The following NPFFR2 variants were observed in gnomAD, a reference collection of about 807,000 sequenced individuals.
NPFFR2 encodes G-protein coupled receptor 74.
A neutral mutation model predicts 13.1 loss-of-function variants in NPFFR2; 15 were observed. That is an observed-to-expected ratio of 1.15 (90% CI 0.77 to 1.76). NPFFR2 has a LOEUF of 1.76. Ranked by LOEUF, NPFFR2 falls within the 40% of genes most tolerant of loss-of-function variation. NPFFR2 has a pLI of 0.00. For missense variants in NPFFR2, 572 were observed against 503.5 expected, an observed-to-expected ratio of 1.14 and a Z score of -1.30; for synonymous variants, 190 against 175.7, an observed-to-expected ratio of 1.08 and a Z score of -0.65.
chr4:72,104,646 T>C (rs1560412494), intron 1 of NPFFR2, among the ~76,000 whole-genome samples: 2 of 152,068 alleles, frequency 1.3e-5, no homozygotes, highest in East Asian at 3.9e-4. Context: ...GACTCAGAAC[T>C]AACTTCTACC....
chr4:72,126,868 C>G (rs904032937), intron 1 of NPFFR2, among the ~76,000 whole-genome samples: 2 of 152,146 alleles, frequency 1.3e-5, no homozygotes, highest in Admixed American at 1.3e-4. Context: ...AGTCTTCACC[C>G]CATGTACATT....
At chr4:72,121,341 A>C (rs1303470150) in intron 1 of NPFFR2, among the ~76,000 whole-genome samples, 4 of 152,196 alleles carry the variant, frequency 2.6e-5, no homozygotes, top group Non-Finnish European at 1.5e-5. Flanking sequence ...GATATTATCC[A>C]GGAGAACTTC....
At chr4:72,136,656 A>G (rs1395989270) in intron 2 of NPFFR2, among the ~76,000 whole-genome samples, 1 of 152,212 alleles carries the variant, frequency 6.6e-6, no homozygotes, top group African/African-American at 2.4e-5. Context: ...GCTGGCTGTT[A>G]CATTCCACAT....
chr4:72,099,383 G>T (rs1018931932), intron 1 of NPFFR2, among the ~76,000 whole-genome samples: 6 of 152,056 alleles, frequency 3.9e-5, no homozygotes, highest in African/African-American at 1.4e-4. Flanking sequence ...CGTCATTCTT[G>T]CATTGCTATA....
At chr4:72,112,615 T>C (rs924313839) in intron 1 of NPFFR2, among the ~76,000 whole-genome samples, 1 of 152,030 alleles carries the variant, frequency 6.6e-6, no homozygotes, top group Non-Finnish European at 1.5e-5. Context: ...GTCTTTCTGA[T>C]CATCAAATAG....
At chr4:72,094,843 C>T (rs1721016090) in intron 1 of NPFFR2, among the ~76,000 whole-genome samples, 1 of 152,192 alleles carries the variant, frequency 6.6e-6, no homozygotes, top group Non-Finnish European at 1.5e-5. Flanking sequence ...CTCAGCTTTC[C>T]TGGTATGTTC....
At chr4:72,041,486 T>G (rs56744513) in intron 1 of NPFFR2, among the ~76,000 whole-genome samples, 10,165 of 152,264 alleles carry the variant, frequency 0.067, 969 homozygotes, top group East Asian at 0.47. Context: ...CTTGGTAGAA[T>G]GATTTATTTT....
At chr4:72,130,516 G>A (rs76878247) in intron 2 of NPFFR2, among the ~76,000 whole-genome samples, 5,401 of 152,134 alleles carry the variant, frequency 0.036, 327 homozygotes, top group African/African-American at 0.12. Context: ...TTACTGCATA[G>A]ATCTGAGTTT....
At chr4:72,132,786 A>C (rs1266396517) in intron 2 of NPFFR2, among the ~76,000 whole-genome samples, 1 of 152,114 alleles carries the variant, frequency 6.6e-6, no homozygotes, top group African/African-American at 2.4e-5. Flanking sequence ...TGTTGGCCAC[A>C]TGTATGTCTT....
rs140595839 is a variant in NPFFR2, at chr4:72,066,009, A to C, written c.-8+33809A>C. Among the ~76,000 whole-genome samples, 18 of 152,314 alleles carry C rather than the reference A, an allele frequency of 1.2e-4. No individual in the cohort carries two copies. The East Asian group carries it at 3.3e-3, about 28-fold the overall frequency. ...TTATATCTCTCCACCTGTCTTAGTT[A>C]ATTTGTGCTACTACAACAAAATACC... On this transcript the variant is annotated intron_variant, in intron 1 of 3. Coordinates refer to ENST00000308744, the MANE Select transcript of NPFFR2 (RefSeq NM_004885.3).
intron 1 of NPFFR2, among the ~76,000 whole-genome samples, chr4:72,104,570 A>G (rs1721360214): frequency 6.6e-6 from 1 of 152,060 alleles, no homozygotes; most frequent in South Asian, 2.1e-4. Flanking sequence ...CAAAGCATAT[A>G]TAGCTAAGGG....
At chr4:72,085,488 C>T (rs1240226419) in intron 1 of NPFFR2, among the ~76,000 whole-genome samples, 1 of 152,110 alleles carries the variant, frequency 6.6e-6, no homozygotes, top group East Asian at 1.9e-4. Flanking sequence ...CCTTAATCTA[C>T]TTCTTCTTTT....
chr4:72,039,665 T>C (rs113646235), intron 1 of NPFFR2, among the ~76,000 whole-genome samples: 13 of 152,200 alleles, frequency 8.5e-5, no homozygotes, highest in African/African-American at 2.7e-4. Context: ...CCCTTCTTGA[T>C]AAACATTCAC....
chr4:72,099,970 A>G (rs1721193487), intron 1 of NPFFR2, among the ~76,000 whole-genome samples: 1 of 152,154 alleles, frequency 6.6e-6, no homozygotes, highest in Admixed American at 6.6e-5. Context: ...ACCTTCAGAC[A>G]TATGGGAATA....
chr4:72,075,392 G>A (rs1215638433), intron 1 of NPFFR2, among the ~76,000 whole-genome samples: 1 of 152,012 alleles, frequency 6.6e-6, no homozygotes, highest in Non-Finnish European at 1.5e-5. Context: ...AGAGAAACTT[G>A]ACTAATACAT....
At chr4:72,097,083 A>G (rs1721096451) in intron 1 of NPFFR2, among the ~76,000 whole-genome samples, 1 of 152,024 alleles carries the variant, frequency 6.6e-6, no homozygotes. Context: ...AGTTTTCCCT[A>G]AATAGAATCA....
chr4:72,051,147 C>G (rs1272185604), intron 1 of NPFFR2, among the ~76,000 whole-genome samples: 1 of 151,730 alleles, frequency 6.6e-6, no homozygotes, highest in African/African-American at 2.4e-5. Flanking sequence ...ATGGCTGGGT[C>G]AAATGGTATT....
intron 1 of NPFFR2, among the ~76,000 whole-genome samples, chr4:72,120,488 A>T (rs953172202): frequency 1.3e-5 from 2 of 152,150 alleles, no homozygotes; most frequent in African/African-American, 4.8e-5. Flanking sequence ...GGGTTGACAG[A>T]CACCTCAAAC....
At chr4:72,144,623 A>C (rs748812165) in intron 3 of NPFFR2, among the ~76,000 whole-genome samples, 13 of 152,170 alleles carry the variant, frequency 8.5e-5, no homozygotes, top group Non-Finnish European at 1.5e-4. Context: ...CTTCAACTGC[A>C]CATTCAACAA....
Sources: allele counts gnomAD v4.1 joint callset (sites outside exome capture counted in the v4.1 genomes callset), GRCh38; gene constraint gnomAD v4.1.1; transcripts MANE v1.5; gene names NCBI Gene and HGNC (gene_info 2026-07-23, HGNC 2026-07-21).